Variants in PPM1L observed in about 807,000 individuals in gnomAD.
PPM1L encodes protein phosphatase 1L.
In PPM1L, 13 loss-of-function variants were observed where a neutral mutation model predicts 31.4. The ratio of observed to expected loss-of-function variants is 0.41; its 90% CI spans 0.27 to 0.66. The LOEUF (loss-of-function observed/expected upper bound fraction) is 0.66, where lower values mean the gene tolerates loss of function less well. Ranked by LOEUF, PPM1L falls within the 30% of genes least tolerant of loss-of-function variation. The pLI is 0.29. For synonymous variants in PPM1L, 184 were observed against 175.4 expected (o/e 1.05, Z -0.39); for missense variants, 326 against 453.7 (o/e 0.72, Z 2.56).
At chr3:160,844,528 A>G (rs188531091) in intron 1 of PPM1L, among the ~76,000 whole-genome samples, 1 of 152,264 alleles carries the variant, frequency 6.6e-6, no homozygotes, top group East Asian at 1.9e-4. Context: ...CTTTTGCCAG[A>G]TACCGGTTTG....
chr3:160,771,894 A>T (rs114057988), intron 1 of PPM1L, among the ~76,000 whole-genome samples: 2,487 of 151,806 alleles, frequency 0.016, 62 homozygotes, highest in African/African-American at 0.057. Flanking sequence ...CTATGGCTTG[A>T]AACCTTGGAG....
chr3:161,050,731 G>A (rs1018111968), intron 2 of PPM1L, among the ~76,000 whole-genome samples: 1 of 152,042 alleles, frequency 6.6e-6, no homozygotes, highest in Non-Finnish European at 1.5e-5. Context: ...TGTTTGGATA[G>A]TTAATAATGC....
At chr3:160,846,176 T>C (rs932725230) in intron 1 of PPM1L, among the ~76,000 whole-genome samples, 2 of 152,142 alleles carry the variant, frequency 1.3e-5, no homozygotes, top group Non-Finnish European at 2.9e-5. Flanking sequence ...TAAAATAATG[T>C]ACTATAACAA....
intron 1 of PPM1L, among the ~76,000 whole-genome samples, chr3:160,779,901 GA>G (rs1285413303): frequency 2.6e-5 from 4 of 151,932 alleles, no homozygotes; most frequent in African/African-American, 9.7e-5. Flanking sequence ...TTCTTCATCT[GA>G]AAAAATGCGA....
intron 1 of PPM1L, among the ~76,000 whole-genome samples, chr3:160,935,540 G>T (rs1425269433): frequency 6.6e-6 from 1 of 152,180 alleles, no homozygotes; most frequent in Non-Finnish European, 1.5e-5. Context: ...GAAAAAGTGA[G>T]ATAGCATATG....
chr3:161,065,128 A>G (rs1265239734), intron 2 of PPM1L, among the ~76,000 whole-genome samples: 2 of 152,154 alleles, frequency 1.3e-5, no homozygotes, highest in South Asian at 2.1e-4. Context: ...TTTAAATGTG[A>G]TATGTGTTTA....
In PPM1L at chr3:161,078,160, A is replaced by G. The variant is rs1720168541; in HGVS notation, c.*9003A>G. ...TTTCTGATTTAGTAAGATTAAAACC[A>G]TAGATGGAGCTCAGTTATTAAGGAT... On this transcript the variant is annotated 3_prime_UTR_variant, in exon 4 of 4. Transcript: ENST00000498165. 6.6e-6 allele frequency: 1 copy of G among 152,250 alleles called. No homozygotes were observed. The highest frequency in any genetic ancestry group is 1.9e-4 in the East Asian group (1 of 5,204). 9.4% of individuals were successfully genotyped at this position (152,250 alleles called of 1,614,324 possible).
intron 2 of PPM1L, among the ~76,000 whole-genome samples, chr3:161,064,160 C>T (rs550358976): frequency 2.7e-5 from 4 of 148,794 alleles, no homozygotes; most frequent in African/African-American, 5.0e-5. Context: ...ACATTCTGCA[C>T]GTGTCCCAGA....
chr3:161,001,926 C>T (rs951458862), intron 2 of PPM1L, among the ~76,000 whole-genome samples: 27 of 152,034 alleles, frequency 1.8e-4, no homozygotes, highest in African/African-American at 3.9e-4. Flanking sequence ...CATGCTGGTG[C>T]GCTGCACCCA....
chr3:160,816,276 T>G (rs1247731299), intron 1 of PPM1L, among the ~76,000 whole-genome samples: 1 of 151,918 alleles, frequency 6.6e-6, no homozygotes, highest in Non-Finnish European at 1.5e-5. Flanking sequence ...TGTGTGTGTG[T>G]GTGTGTGTGT....
intron 1 of PPM1L, among the ~76,000 whole-genome samples, chr3:160,840,927 C>T (rs1713859367): frequency 6.6e-6 from 1 of 152,150 alleles, no homozygotes; most frequent in Admixed American, 6.5e-5. Flanking sequence ...CTTATTGAGT[C>T]GACTGATTCA....
At chr3:160,897,752 G>A (rs576191100) in intron 1 of PPM1L, among the ~76,000 whole-genome samples, 1 of 152,208 alleles carries the variant, frequency 6.6e-6, no homozygotes, top group Non-Finnish European at 1.5e-5. Context: ...CTGCCAGCTG[G>A]ATGCAGGGAA....
At chr3:160,915,830 T>C (rs1332907016) in intron 1 of PPM1L, among the ~76,000 whole-genome samples, 3 of 152,180 alleles carry the variant, frequency 2.0e-5, no homozygotes, top group Non-Finnish European at 4.4e-5. Context: ...ATTTAATAAA[T>C]GGTGCTGGGA....
intron 1 of PPM1L, among the ~76,000 whole-genome samples, chr3:160,832,601 A>C (rs1560119655): frequency 6.6e-6 from 1 of 152,142 alleles, no homozygotes; most frequent in Non-Finnish European, 1.5e-5. Flanking sequence ...AGTTGCAGAA[A>C]TGGCAGATAG....
intron 2 of PPM1L, among the ~76,000 whole-genome samples, chr3:161,051,172 T>G (rs559121050): frequency 1.3e-5 from 2 of 152,168 alleles, no homozygotes; most frequent in African/African-American, 4.8e-5. Flanking sequence ...CACCCATACA[T>G]CTGGGCTCTC....
intron 2 of PPM1L, among the ~76,000 whole-genome samples, chr3:161,032,253 C>A (rs1193355348): frequency 6.6e-6 from 1 of 152,176 alleles, no homozygotes; most frequent in African/African-American, 2.4e-5. Context: ...AAAGAGCGAT[C>A]CTACCCTCAC....
intron 1 of PPM1L, among the ~76,000 whole-genome samples, chr3:160,933,821 T>TA (rs371934470): frequency 1.3e-3 from 192 of 152,234 alleles, no homozygotes; most frequent in African/African-American, 4.4e-3. Context: ...TCTGATTACA[T>TA]AAAAAAAGAT....
At chr3:161,023,991 T>C (rs1292808287) in intron 2 of PPM1L, among the ~76,000 whole-genome samples, 1 of 152,224 alleles carries the variant, frequency 6.6e-6, no homozygotes, top group Non-Finnish European at 1.5e-5. Context: ...CTTAAGATTT[T>C]TGGGGCTGGG....
chr3:160,954,146 G>A (rs529089466), intron 1 of PPM1L, among the ~76,000 whole-genome samples: 28 of 152,050 alleles, frequency 1.8e-4, no homozygotes, highest in Non-Finnish European at 3.4e-4. Context: ...GTAAAAATCT[G>A]TTAGGGTTGT....
Sources: gnomAD v4.1 joint callset for allele counts (sites outside exome capture counted in the v4.1 genomes callset) on GRCh38, gnomAD v4.1.1 for gene constraint, MANE v1.5 for transcripts, NCBI Gene and HGNC (gene_info 2026-07-23, HGNC 2026-07-21) for gene names.